The following EPC1 variants were observed in gnomAD, a reference collection of about 807,000 sequenced individuals.
EPC1 encodes the protein enhancer of polycomb homolog 1.
In EPC1, 12 loss-of-function variants were observed where a neutral mutation model predicts 98.4. The ratio of observed to expected loss-of-function variants is 0.12; its 90% CI spans 0.08 to 0.20. The LOEUF (loss-of-function observed/expected upper bound fraction) is 0.20. Ranked by LOEUF, EPC1 falls within the 10% of genes least tolerant of loss-of-function variation. The probability of loss-of-function intolerance (pLI) is 1.00; values close to 1 mark genes in which losing one functional copy is unlikely to be tolerated. For synonymous variants in EPC1, 357 were observed against 363.9 expected, an observed-to-expected ratio of 0.98 and a Z score of 0.21; for missense variants, 729 against 990.5, an observed-to-expected ratio of 0.74 and a Z score of 3.54.
intron 1 of EPC1, among the ~76,000 whole-genome samples, chr10:32,324,034 C>T (rs1274289334): frequency 6.6e-6 from 1 of 152,084 alleles, no homozygotes; most frequent in East Asian, 1.9e-4. Context: ...CTCCTAGGTT[C>T]ACGTCATTCT....
chr10:32,292,660 T>TTAATGTTAATAA lies in EPC1; in HGVS notation c.667-17_667-16insTTATTAACATTA. Reference sequence around the variant, plus strand: ...TTTTGCGATTCTGCAAATGTGAAGTTGCTTGTTTAATGTTAGTAAGTATTT... The same window carrying TTAATGTTAATAA: ...TTTTGCGATTCTGCAAATGTGAAGTTTAATGTTAATAAGCTTGTTTAATGTTAGTAAGTATTT... On this transcript the variant is annotated splice_polypyrimidine_tract_variant and intron_variant, in intron 4 of 13. Transcript: ENST00000319778. 1 of 1,600,738 alleles carries TTAATGTTAATAA rather than the reference T, an allele frequency of 6.2e-7. No homozygotes were observed.
intron 10 of EPC1, among the ~76,000 whole-genome samples, chr10:32,276,872 G>A (rs1314641213): frequency 6.6e-6 from 1 of 152,214 alleles, no homozygotes; most frequent in East Asian, 1.9e-4. Context: ...TGAGAATCAA[G>A]TTTGTAATTC....
At chr10:32,346,600 G>T in intron 1 of EPC1, 163 bp downstream of exon 1, 1 of 698,760 alleles carries the variant, frequency 1.4e-6, no homozygotes, top group Non-Finnish European at 2.3e-6. Context: ...GGCGGCCGGG[G>T]GTCGAGGCTG....
intron 2 of EPC1, among the ~76,000 whole-genome samples, chr10:32,302,643 C>A: frequency 3.7e-5 from 3 of 80,266 alleles, no homozygotes; most frequent in African/African-American, 4.9e-5. Flanking sequence ...GAGTGAGACT[C>A]CATCTCAAAA....
At chr10:32,373,010 G>A (rs1839794900) in intron 1 of EPC1, among the ~76,000 whole-genome samples, 1 of 152,230 alleles carries the variant, frequency 6.6e-6, no homozygotes, top group African/African-American at 2.4e-5. Context: ...GGTGACAAGA[G>A]CGAAACTCGG....
intron 1 of EPC1, among the ~76,000 whole-genome samples, chr10:32,343,889 C>T (rs1454621016): frequency 3.9e-5 from 6 of 152,160 alleles, no homozygotes; most frequent in South Asian, 2.1e-4. Context: ...AGGTGTATTT[C>T]ACATGACAAT....
At chr10:32,284,462 C>T in intron 10 of EPC1, 1 of 375,378 alleles carries the variant, frequency 2.7e-6, no homozygotes, top group South Asian at 9.4e-5. Flanking sequence ...ACAAATGTCA[C>T]ATATTAAATA....
At position 32,287,066 on chromosome 10, in the gene EPC1, T is replaced by A. The variant is rs200286152; in HGVS notation, c.1152+32A>T. 6.5e-5 allele frequency: 105 copies of A among 1,613,862 alleles called. 2 individuals carry two copies. The East Asian group carries it at 2.1e-3, about 33-fold the overall frequency. ...TCAGATACGTGACTTCCTACATCCC[T>A]CCTCAATGTTCATAGAGAATTGTAT... On this transcript the variant is annotated intron_variant, in intron 7 of 13. Coordinates refer to ENST00000319778, the MANE Select transcript of EPC1 (RefSeq NM_001272004.3).
exon 1 of EPC1, chr10:32,378,658 C>G (rs1345988900): frequency 8.2e-6 from 4 of 488,502 alleles, no homozygotes; most frequent in Non-Finnish European, 1.5e-5. Context: ...GATCGGTGGC[C>G]GAATGGGGTG....
rs368222597 is a variant in EPC1 at position 32,286,650 on chromosome 10, A to G, written c.1391+44T>C. 2.5e-6 allele frequency: 4 copies of G among 1,606,246 alleles called. No homozygotes were observed. In the South Asian group the frequency reaches 3.3e-5, roughly 13 times the overall value. On this transcript the variant is annotated intron_variant, in intron 9 of 13. Transcript: ENST00000319778. ...TTTAAAAGTTAGATTCAATCACCCT[A>G]ATGCCTAAAATATCCTTCTGCTAGG...
chr10:32,305,321 T>C (rs1835811994), intron 2 of EPC1, among the ~76,000 whole-genome samples: 1 of 152,258 alleles, frequency 6.6e-6, no homozygotes, highest in Admixed American at 6.5e-5. Flanking sequence ...TCTCTTTAGC[T>C]GATTTTGCAC....
intron 1 of EPC1, among the ~76,000 whole-genome samples, chr10:32,310,248 T>G (rs1037749523): frequency 6.6e-6 from 1 of 152,148 alleles, no homozygotes; most frequent in Non-Finnish European, 1.5e-5. Flanking sequence ...TCCCTGGTAT[T>G]TGAATGTTGG....
At chr10:32,315,742 T>G (rs1432904836) in intron 1 of EPC1, among the ~76,000 whole-genome samples, 1 of 152,158 alleles carries the variant, frequency 6.6e-6, no homozygotes, top group African/African-American at 2.4e-5. Context: ...TACCACCTAG[T>G]TTTTCTACAT....
At chr10:32,343,046 C>T (rs992386409) in intron 1 of EPC1, among the ~76,000 whole-genome samples, 1 of 152,106 alleles carries the variant, frequency 6.6e-6, no homozygotes, top group African/African-American at 2.4e-5. Flanking sequence ...CATAATAGGA[C>T]ATATGCCCCA....
chr10:32,335,028 C>A (rs754503353), intron 1 of EPC1, among the ~76,000 whole-genome samples: 2 of 152,276 alleles, frequency 1.3e-5, no homozygotes, highest in Non-Finnish European at 1.5e-5. Context: ...TACAATTGTG[C>A]AGCAGGAATG....
At chr10:32,300,629 T>C (rs1835457277) in intron 2 of EPC1, among the ~76,000 whole-genome samples, 1 of 152,032 alleles carries the variant, frequency 6.6e-6, no homozygotes, top group East Asian at 1.9e-4. Flanking sequence ...AGATAGGGTT[T>C]CACCATGTTG....
chr10:32,333,925 C>T (rs1241801383), intron 1 of EPC1, among the ~76,000 whole-genome samples: 2 of 152,190 alleles, frequency 1.3e-5, no homozygotes, highest in Admixed American at 1.3e-4. Flanking sequence ...GAAACACTGC[C>T]AGCTTGAACT....
rs763824286 is a variant in EPC1, at chr10:32,269,062, G to T, written c.*1C>A. 6.8e-6 allele frequency: 11 copies of T among 1,612,892 alleles called. No individual in the cohort carries two copies. In the African/African-American group the frequency reaches 1.2e-4, roughly 18 times the overall value. ...CAGGCTGCAGTTCCACTCGGAGGAA[G>T]CTACGTCACCTCCATCGCTACTGTG... is the stretch of plus-strand genomic sequence containing the variant. On this transcript the variant is annotated 3_prime_UTR_variant, in exon 14 of 14. Coordinates refer to ENST00000319778, the MANE Select transcript of EPC1 (RefSeq NM_001272004.3).
At chr10:32,278,730 T>C (rs1161468303) in intron 10 of EPC1, among the ~76,000 whole-genome samples, 1 of 152,184 alleles carries the variant, frequency 6.6e-6, no homozygotes, top group African/African-American at 2.4e-5. Flanking sequence ...AAACAAAAGG[T>C]AAAATGATTC....
Sources: gnomAD v4.1 joint callset for allele counts (sites outside exome capture counted in the v4.1 genomes callset) on GRCh38, gnomAD v4.1.1 for gene constraint, MANE v1.5 for transcripts, NCBI Gene and HGNC (gene_info 2026-07-23, HGNC 2026-07-21) for gene names.